FASTKD1: variants seen among roughly 807,000 people sequenced by gnomAD.
FASTKD1 encodes the protein FAST kinase domain-containing protein 1, mitochondrial.
Under a neutral mutation model 90.9 loss-of-function variants are expected in FASTKD1, and 94 were observed. The observed-to-expected ratio is 1.03, with a 90% CI of 0.88 to 1.23. The LOEUF is 1.23. Among genes scored for constraint, FASTKD1 ranks in the 50% most tolerant of loss-of-function variants. The pLI, the probability that FASTKD1 is intolerant of heterozygous loss-of-function variation, is 0.00. For synonymous variants in FASTKD1, 319 were observed against 345.8 expected, an observed-to-expected ratio of 0.92 and a Z score of 0.86; for missense variants, 945 against 993.5, an observed-to-expected ratio of 0.95 and a Z score of 0.66.
Position 169,557,142 on chromosome 2 carries a change from T to C in FASTKD1, c.1082+45A>G, listed in dbSNP as rs1683355533. The C allele has an allele frequency of 1.1e-5, 14 of 1,243,560 alleles. No homozygotes were observed. In the East Asian group the frequency reaches 3.3e-4, roughly 29 times the overall value. The allele number at this position is 1,243,560 out of a possible 1,614,324, so 77.0% of individuals were successfully genotyped here. The stretch of plus-strand genomic sequence containing the variant: ...TTTTCCTTAGAAAAAAATAGGTGCT[T>C]GTGAATGACAACAAACTTAACGTCG... On this transcript the variant is annotated intron_variant, in intron 6 of 14. Transcript: ENST00000453153.
intron 4 of FASTKD1, among the ~76,000 whole-genome samples, chr2:169,561,467 T>C (rs181296721): frequency 4.7e-4 from 71 of 152,080 alleles, no homozygotes; most frequent in African/African-American, 1.4e-3. Context: ...AGTAATCTTA[T>C]GTTAAAAACA....
At chr2:169,568,774 G>A (rs1318063292) in intron 3 of FASTKD1, among the ~76,000 whole-genome samples, 2 of 151,904 alleles carry the variant, frequency 1.3e-5, no homozygotes, top group African/African-American at 2.4e-5. Context: ...GCTGAGGCAG[G>A]TGGATCACGA....
At chr2:169,545,510 G>A (rs147039342) in intron 8 of FASTKD1, among the ~76,000 whole-genome samples, 7 of 152,104 alleles carry the variant, frequency 4.6e-5, no homozygotes, top group East Asian at 1.9e-4. Context: ...TTAAATAAAG[G>A]CCTTGCCCTG....
chr2:169,535,584 A>G (rs528363471), intron 12 of FASTKD1, among the ~76,000 whole-genome samples: 4 of 152,260 alleles, frequency 2.6e-5, no homozygotes, highest in Admixed American at 2.6e-4. Context: ...GACTATGTGT[A>G]TGAGCATGAG....
rs753755281 is a variant in FASTKD1, at chr2:169,546,542, T to TA, written c.1376dup (p.Leu459PhefsTer7). ...ACATGTGATCATGCTGAATCCATCT[T>TA]AAAACAGATGTGGCAAAACTACTCA... is the stretch of plus-strand genomic sequence containing the variant. On this transcript the variant is annotated frameshift_variant, in exon 8 of 15. Coordinates refer to ENST00000453153, the MANE Select transcript of FASTKD1 (RefSeq NM_024622.6). LOFTEE classifies it high-confidence loss of function. 3.1e-6 allele frequency: 5 copies of TA among 1,614,166 alleles called. No homozygotes were observed. Among genetic ancestry groups the TA allele is most frequent in the Non-Finnish European group, 3.4e-6 (4 of 1,180,032 alleles).
In FASTKD1 at chr2:169,560,589, A is replaced by T; in HGVS notation, c.769T>A (p.Leu257Ile). Reference sequence around the variant, plus strand: ...AAATCAAGGTGGTCCACATTACTTAAAAATACGTTATTACATCTTTCTAAT... The same window carrying T: ...AAATCAAGGTGGTCCACATTACTTATAAATACGTTATTACATCTTTCTAAT... ...PLLERCNNVF[L>I]SNVDHLDLDS... Residue 257 changes from leucine (L) to isoleucine (I), a missense_variant, in exon 5 of 15, where the codon TTA becomes ATA. Leu to Ile is a conservative substitution (Grantham distance 5). Coordinates refer to ENST00000453153, the MANE Select transcript of FASTKD1 (RefSeq NM_024622.6). 1 of 1,607,854 alleles carries T rather than the reference A, an allele frequency of 6.2e-7. No homozygotes were observed. Among genetic ancestry groups the T allele is most frequent in the Non-Finnish European group, 8.5e-7 (1 of 1,177,810 alleles).
intron 14 of FASTKD1, among the ~76,000 whole-genome samples, 179 bp from the exon 15 acceptor site, chr2:169,530,105 C>A (rs573046245): frequency 6.6e-6 from 1 of 152,238 alleles, no homozygotes; most frequent in African/African-American, 2.4e-5. Context: ...GCCTAGAATA[C>A]TTTTTTCTGC....
chr2:169,529,330 A>G lies in FASTKD1; in HGVS notation c.*495T>C, dbSNP rs188202971. On this transcript the variant is annotated 3_prime_UTR_variant, in exon 15 of 15. Coordinates refer to ENST00000453153, the MANE Select transcript of FASTKD1 (RefSeq NM_024622.6). ...TCTCATACCTCATATCCAATCAGTG[A>G]GCAAATTCTGTTGCCTTTATCTTCA... 2.5e-4 allele frequency among the ~76,000 whole-genome samples: 38 copies of G among 152,284 alleles called. No homozygotes were observed. The highest frequency in any genetic ancestry group is 4.6e-4 in the Non-Finnish European group (31 of 68,032).
In FASTKD1 at chr2:169,561,950, A is replaced by ATTAATTTATTGTAAATTAATTAT. The variant is rs1559157103; in HGVS notation, c.573-1166_573-1165insATAATTAATTTACAATAAATTAA. The stretch of plus-strand genomic sequence containing the variant: ...TTATTTGTTAATTTATTATAAATTA[A>ATTAATTTATTGTAAATTAATTAT]TTATTAATTTATTGTAAATTAATTA... On this transcript the variant is annotated intron_variant, in intron 4 of 14. Coordinates refer to ENST00000453153, the MANE Select transcript of FASTKD1 (RefSeq NM_024622.6). 2.7e-3 allele frequency among the ~76,000 whole-genome samples: 203 copies of ATTAATTTATTGTAAATTAATTAT among 74,406 alleles called. 60 individuals are homozygous for ATTAATTTATTGTAAATTAATTAT. Among genetic ancestry groups the ATTAATTTATTGTAAATTAATTAT allele is most frequent in the East Asian group, 0.017 (33 of 1,934 alleles). 48.8% of individuals were successfully genotyped at this position (74,406 alleles called of 152,430 possible).
In FASTKD1 at chr2:169,560,661, T is replaced by G. The variant is rs1683547025; in HGVS notation, c.697A>C (p.Ser233Arg). ...ACATTTCGAAGAAACTTTGCTATGC[T>G]TTTTGCAACGTTGACCTCAGAAGAA... ...IDSSEVNVAK[S>R]IAKFLRNVRY... is the part of the protein sequence containing the mutation. The change falls in exon 5 of 15, where the codon AGC becomes CGC. Residue 233 changes from serine (S) to arginine (R), a missense_variant. Physicochemically the swap from Ser to Arg is moderately radical, Grantham distance 110. Transcript: ENST00000453153. The G allele has an allele frequency of 2.0e-5, 32 of 1,613,222 alleles. No individual in the cohort carries two copies. Among genetic ancestry groups the G allele is most frequent in the Non-Finnish European group, 2.6e-5 (31 of 1,179,738 alleles).
intron 3 of FASTKD1, among the ~76,000 whole-genome samples, chr2:169,564,700 C>G (rs2105428319): frequency 6.6e-6 from 1 of 152,066 alleles, no homozygotes; most frequent in South Asian, 2.1e-4. Context: ...TTAACCATCC[C>G]CACCTCCCCC....
chr2:169,555,714 T>C (rs1683266431), intron 6 of FASTKD1, among the ~76,000 whole-genome samples: 1 of 152,242 alleles, frequency 6.6e-6, no homozygotes, highest in Admixed American at 6.5e-5. Flanking sequence ...CAAAGAAATA[T>C]TAAAATAAAG....
chr2:169,553,331 T>C (rs943444886), intron 7 of FASTKD1, among the ~76,000 whole-genome samples: 1 of 144,552 alleles, frequency 6.9e-6, no homozygotes, highest in Non-Finnish European at 1.5e-5. Flanking sequence ...TAGTGTATCA[T>C]TTCTAATTTA....
In FASTKD1 at chr2:169,571,806, A is replaced by G; in HGVS notation, c.224T>C (p.Leu75Pro). ...EKQVGCAFDM[L>P]WKLQKQKTSL... is the part of the protein sequence containing the mutation. ...GGTCTTCTGCTTTTGAAGCTTCCAA[A>G]GCATATCAAATGCACATCCCACTTG... The change falls in exon 2 of 15, where the codon CTT (leucine) becomes CCT (proline). Residue 75 changes from leucine (L) to proline (P), a missense_variant. Coordinates refer to ENST00000453153, the MANE Select transcript of FASTKD1 (RefSeq NM_024622.6). The G allele has an allele frequency of 6.2e-7, 1 of 1,614,074 alleles. No individual in the cohort carries two copies. Among genetic ancestry groups the G allele is most frequent in the South Asian group, 1.1e-5 (1 of 91,074 alleles).
intron 14 of FASTKD1, 30 bp from the exon 15 acceptor site, chr2:169,529,956 A>T: frequency 6.7e-7 from 1 of 1,494,038 alleles, no homozygotes; most frequent in Non-Finnish European, 9.3e-7. Context: ...TTTGAATGAA[A>T]GTTTTAAAGC....
chr2:169,546,849 A>C (rs1007913606), intron 7 of FASTKD1, 145 bp from the exon 8 acceptor site: 40 of 808,832 alleles, frequency 4.9e-5, no homozygotes, highest in Middle Eastern at 3.8e-4. Context: ...CTCTAATCTC[A>C]AACCACAACA....
intron 4 of FASTKD1, among the ~76,000 whole-genome samples, chr2:169,562,461 G>A (rs1683748666): frequency 6.6e-6 from 1 of 152,066 alleles, no homozygotes; most frequent in South Asian, 2.1e-4. Context: ...TCGAACTCCT[G>A]ACATCAAGTG....
chr2:169,566,899 G>A (rs191403219), intron 3 of FASTKD1, among the ~76,000 whole-genome samples: 110 of 152,130 alleles, frequency 7.2e-4, no homozygotes, highest in African/African-American at 2.5e-3. Context: ...GGCAGATCAC[G>A]AGGTCAGGAG....
intron 9 of FASTKD1, among the ~76,000 whole-genome samples, chr2:169,540,881 C>T (rs1559141700): frequency 6.6e-6 from 1 of 152,202 alleles, no homozygotes; most frequent in Non-Finnish European, 1.5e-5. Context: ...AGCACCTGCT[C>T]CTTTACTTGT....
Sources: allele counts gnomAD v4.1 joint callset (sites outside exome capture counted in the v4.1 genomes callset), GRCh38; gene constraint gnomAD v4.1.1; transcripts MANE v1.5; gene names NCBI Gene and HGNC (gene_info 2026-07-23, HGNC 2026-07-21).